Variants in LMO7 observed in about 807,000 individuals in gnomAD.
LMO7 encodes LIM domain 7.
A neutral mutation model predicts 206.5 loss-of-function variants in LMO7; 120 were observed. The ratio of observed to expected loss-of-function variants is 0.58; its 90% CI spans 0.50 to 0.68. LMO7 has a LOEUF of 0.68. Ranked by LOEUF, LMO7 falls within the 30% of genes least tolerant of loss-of-function variation. The pLI is 0.00. For missense variants in LMO7, 1,959 were observed against 1,957.9 expected, an observed-to-expected ratio of 1.00 and a Z score of -0.01; for synonymous variants, 706 against 681.5, an observed-to-expected ratio of 1.04 and a Z score of -0.56.
At chr13:75,743,350 C>G (rs1293490269) in intron 3 of LMO7, among the ~76,000 whole-genome samples, 1 of 152,136 alleles carries the variant, frequency 6.6e-6, no homozygotes. Flanking sequence ...TCAGAAATCC[C>G]ATTACTGGGT....
At chr13:75,651,404 G>A (rs2037545969) in intron 1 of LMO7, among the ~76,000 whole-genome samples, 1 of 151,032 alleles carries the variant, frequency 6.6e-6, no homozygotes, top group Admixed American at 6.6e-5. Context: ...CCGCCTCCAG[G>A]ATTCAAGTGA....
rs764091537 is a variant in LMO7 at position 75,713,135 on chromosome 13, T to A, written c.70-47T>A. The A allele has an allele frequency of 5.1e-6, 7 of 1,369,946 alleles. No homozygotes were observed. In the African/African-American group the frequency reaches 1.0e-4, roughly 20 times the overall value. 84.9% of individuals were successfully genotyped at this position (1,369,946 alleles called of 1,614,324 possible). ...AATCTAATACTGAATTGGACTTGTG[T>A]GCTATCCCTGCTTAAGAGAAAATTA... On this transcript the variant is annotated intron_variant, in intron 1 of 30. Coordinates refer to ENST00000377534, the MANE Select transcript of LMO7 (RefSeq NM_001306080.2).
chr13:75,702,830 T>C (rs1396032866), intron 1 of LMO7, among the ~76,000 whole-genome samples: 1 of 152,248 alleles, frequency 6.6e-6, no homozygotes, highest in East Asian at 1.9e-4. Flanking sequence ...AAATGAATGC[T>C]TTCTTTGTAT....
chr13:75,783,302 A>T (rs766823257), intron 4 of LMO7, among the ~76,000 whole-genome samples: 2 of 152,184 alleles, frequency 1.3e-5, no homozygotes, highest in Non-Finnish European at 2.9e-5. Flanking sequence ...TATCATTGTA[A>T]TGGATAAAAT....
At chr13:75,807,366 C>T in intron 9 of LMO7, 114 bp from the exon 10 acceptor site, 1 of 1,051,928 alleles carries the variant, frequency 9.5e-7, no homozygotes, top group Non-Finnish European at 1.4e-6. Context: ...AATGATTTAC[C>T]CTCAGTAACT....
chr13:75,703,091 T>C (rs1000606412), intron 1 of LMO7, among the ~76,000 whole-genome samples: 5 of 152,200 alleles, frequency 3.3e-5, no homozygotes, highest in African/African-American at 1.2e-4. Context: ...AAGGCTACTT[T>C]AATAAAGTGA....
At chr13:75,802,059 T>A (rs2054817705) in intron 7 of LMO7, among the ~76,000 whole-genome samples, 1 of 152,320 alleles carries the variant, frequency 6.6e-6, no homozygotes, top group Non-Finnish European at 1.5e-5. Context: ...TTGTCCTAAA[T>A]ACTTCAGTAT....
intron 1 of LMO7, among the ~76,000 whole-genome samples, chr13:75,702,646 A>G (rs2042356649): frequency 6.6e-6 from 1 of 152,246 alleles, no homozygotes; most frequent in Non-Finnish European, 1.5e-5. Flanking sequence ...ACATGGTGTA[A>G]TTCAGTGGGT....
At chr13:75,840,983 G>A (rs772838321) in intron 22 of LMO7, 126 bp from the exon 23 acceptor site, 2 of 642,384 alleles carry the variant, frequency 3.1e-6, no homozygotes, top group Non-Finnish European at 5.4e-6. Flanking sequence ...ATTGGCTTAT[G>A]AAAATAAATC....
At chr13:75,808,598 C>G (rs962901635) in intron 10 of LMO7, among the ~76,000 whole-genome samples, 1 of 152,024 alleles carries the variant, frequency 6.6e-6, no homozygotes, top group Non-Finnish European at 1.5e-5. Context: ...GTGAAATTTT[C>G]CCTTAAAATA....
At position 75,732,131 on chromosome 13, in the gene LMO7, CTG is replaced by C. The variant is rs373633508; in HGVS notation, c.210+5036_210+5037del. Among the ~76,000 whole-genome samples, 134 of 152,160 alleles carry C rather than the reference CTG, an allele frequency of 8.8e-4. 3 individuals are homozygous for C. The East Asian group carries it at 0.019, about 22-fold the overall frequency. Reference sequence around the variant, plus strand: ...GAGTTGCTCTTCTCGAGGAGTATCTCTGTGGCGTCCTCTGTATTTCCTGAATC... The same window carrying C: ...GAGTTGCTCTTCTCGAGGAGTATCTCTGGCGTCCTCTGTATTTCCTGAATC... On this transcript the variant is annotated intron_variant, in intron 3 of 30. Transcript: ENST00000377534.
intron 4 of LMO7, among the ~76,000 whole-genome samples, chr13:75,778,058 G>A (rs2050772366): frequency 1.3e-5 from 2 of 152,020 alleles, no homozygotes; most frequent in South Asian, 4.2e-4. Context: ...AAGAATGCAT[G>A]GTATTATGAG....
At chr13:75,744,833 TG>T (rs1388640100) in intron 3 of LMO7, among the ~76,000 whole-genome samples, 1 of 151,432 alleles carries the variant, frequency 6.6e-6, no homozygotes, top group Non-Finnish European at 1.5e-5. Context: ...TGCCATGGAG[TG>T]GGGGGTTGCA....
At chr13:75,730,476 C>G (rs1380798934) in intron 3 of LMO7, among the ~76,000 whole-genome samples, 2 of 152,110 alleles carry the variant, frequency 1.3e-5, no homozygotes, top group South Asian at 2.1e-4. Flanking sequence ...GTGGTGATAT[C>G]CCCTTTATCA....
intron 1 of LMO7, among the ~76,000 whole-genome samples, chr13:75,637,885 T>C (rs2036118569): frequency 6.6e-6 from 1 of 152,150 alleles, no homozygotes; most frequent in African/African-American, 2.4e-5. Context: ...CTTTTTAGAT[T>C]GAAACTTTGA....
chr13:75,749,565 G>A (rs761374850), intron 3 of LMO7, among the ~76,000 whole-genome samples: 7 of 152,124 alleles, frequency 4.6e-5, no homozygotes, highest in Non-Finnish European at 8.8e-5. Context: ...GCCTTTACCA[G>A]AACGCTCAGC....
At chr13:75,757,608 G>A (rs2047776631) in intron 3 of LMO7, among the ~76,000 whole-genome samples, 3 of 152,058 alleles carry the variant, frequency 2.0e-5, no homozygotes, top group African/African-American at 4.8e-5. Flanking sequence ...ATTGATTCAA[G>A]GATAAGGGGT....
At chr13:75,641,648 A>G (rs550016839) in intron 1 of LMO7, among the ~76,000 whole-genome samples, 18 of 151,900 alleles carry the variant, frequency 1.2e-4, no homozygotes, top group Non-Finnish European at 1.8e-4. Context: ...TTTTCCTCTC[A>G]CTTTTTCTTT....
exon 1 of LMO7, chr13:75,621,322 T>C (rs2033297913): frequency 6.5e-6 from 1 of 153,152 alleles, no homozygotes; most frequent in Non-Finnish European, 1.5e-5. Context: ...GGAAATGGTT[T>C]AACTTTTAAA....
Sources: allele counts gnomAD v4.1 joint callset (sites outside exome capture counted in the v4.1 genomes callset), GRCh38; gene constraint gnomAD v4.1.1; transcripts MANE v1.5; gene names NCBI Gene and HGNC (gene_info 2026-07-23, HGNC 2026-07-21).